YEATS2: variants seen among roughly 807,000 people sequenced by gnomAD.
The protein encoded by YEATS2 is YEATS domain containing 2.
In YEATS2, 77 loss-of-function variants were observed where a neutral mutation model predicts 163.2. The ratio of observed to expected loss-of-function variants is 0.47; its 90% CI spans 0.39 to 0.57. The LOEUF (loss-of-function observed/expected upper bound fraction) is 0.57, where lower values mean the gene tolerates loss of function less well. Ranked by LOEUF, YEATS2 falls within the 20% of genes least tolerant of loss-of-function variation. The pLI is 0.00. For synonymous variants in YEATS2, 631 were observed against 645.1 expected (o/e 0.98, Z 0.33); for missense variants, 1,549 against 1,729.8 (o/e 0.90, Z 1.85).
chr3:183,760,313 A>AGTTTTTTTTTTTTTTTTTTTT lies in YEATS2; in HGVS notation c.1657-1194_1657-1193insGTTTTTTTTTTTTTTTTTTTT, dbSNP rs1283432086. Among the ~76,000 whole-genome samples the AGTTTTTTTTTTTTTTTTTTTT allele has an allele frequency of 5.4e-5, 6 of 110,314 alleles. 2 individuals carry two copies. Among genetic ancestry groups the AGTTTTTTTTTTTTTTTTTTTT allele is most frequent in the Non-Finnish European group, 7.0e-5 (4 of 56,962 alleles). The allele number at this position is 110,314 out of a possible 152,430, so 72.4% of individuals were successfully genotyped here. ...TTGAGAATTAAAGAGAAACTACAGA[A>AGTTTTTTTTTTTTTTTTTTTT]TTTTTTTTTTTTTTTTTTTTTTTTT... On this transcript the variant is annotated intron_variant, in intron 13 of 30. Transcript: ENST00000305135.
intron 11 of YEATS2, 127 bp downstream of exon 11, chr3:183,754,492 G>A: frequency 7.6e-7 from 1 of 1,309,906 alleles, no homozygotes; most frequent in Non-Finnish European, 1.0e-6. Context: ...TTTAACAAAA[G>A]GAAGTTTATC....
At chr3:183,723,913 A>G (rs1278040240) in intron 5 of YEATS2, among the ~76,000 whole-genome samples, 2 of 152,200 alleles carry the variant, frequency 1.3e-5, no homozygotes, top group Non-Finnish European at 2.9e-5. Flanking sequence ...TTCTGTCTCA[A>G]AAAATAGAAT....
At chr3:183,777,979 G>A (rs948853555) in intron 19 of YEATS2, among the ~76,000 whole-genome samples, 4 of 151,852 alleles carry the variant, frequency 2.6e-5, no homozygotes, top group African/African-American at 7.3e-5. Context: ...AGGTGCAGTG[G>A]TGCGTGCCTA....
intron 30 of YEATS2, chr3:183,810,182 G>T: frequency 3.2e-6 from 1 of 317,438 alleles, no homozygotes; most frequent in East Asian, 7.8e-5. Context: ...GGTCTGCTGA[G>T]ACTCACTCAC....
intron 3 of YEATS2, among the ~76,000 whole-genome samples, 161 bp from the exon 4 acceptor site, chr3:183,718,339 C>A (rs1446323909): frequency 6.6e-6 from 1 of 151,978 alleles, no homozygotes; most frequent in Non-Finnish European, 1.5e-5. Context: ...CTTTGCGAAT[C>A]TGATGGGTGG....
chr3:183,745,900 C>T (rs916468857), intron 8 of YEATS2, among the ~76,000 whole-genome samples: 2 of 152,130 alleles, frequency 1.3e-5, no homozygotes, highest in Non-Finnish European at 2.9e-5. Flanking sequence ...GATGCAAACA[C>T]GGTTCACTGC....
intron 9 of YEATS2, among the ~76,000 whole-genome samples, chr3:183,750,693 C>T (rs759477575): frequency 1.3e-5 from 2 of 152,242 alleles, no homozygotes; most frequent in East Asian, 1.9e-4. Flanking sequence ...TGTTGAGGAT[C>T]CCTTCATGTG....
At chr3:183,713,741 G>A (rs960067455) in intron 1 of YEATS2, among the ~76,000 whole-genome samples, 1 of 151,958 alleles carries the variant, frequency 6.6e-6, no homozygotes, top group Non-Finnish European at 1.5e-5. Flanking sequence ...CAATAAACTC[G>A]TGCAGTGATG....
intron 8 of YEATS2, among the ~76,000 whole-genome samples, chr3:183,738,736 C>G (rs1489824521): frequency 3.1e-5 from 4 of 127,430 alleles, no homozygotes; most frequent in African/African-American, 1.2e-4. Flanking sequence ...ATGAACTCAT[C>G]ATTTTTTATG....
chr3:183,724,358 G>T, intron 5 of YEATS2, 61 bp from the exon 6 acceptor site: 2 of 1,259,446 alleles, frequency 1.6e-6, no homozygotes, highest in Non-Finnish European at 2.2e-6. Context: ...CAATTTTGTG[G>T]TTTCTGTCCT....
At chr3:183,772,779 C>A (rs2582084) in intron 16 of YEATS2, among the ~76,000 whole-genome samples, 3,425 of 147,336 alleles carry the variant, frequency 0.023, 56 homozygotes, top group Admixed American at 0.035. Context: ...ACACACACAC[C>A]CACATACACA....
chr3:183,700,596 TTC>T (rs1366770379), intron 1 of YEATS2, among the ~76,000 whole-genome samples: 7 of 145,804 alleles, frequency 4.8e-5, no homozygotes, highest in African/African-American at 1.9e-4. Flanking sequence ...TTTCTTTTCT[TTC>T]TTTTTTTTTT....
At chr3:183,698,411 G>A (rs1164985077) in intron 1 of YEATS2, among the ~76,000 whole-genome samples, 1 of 152,178 alleles carries the variant, frequency 6.6e-6, no homozygotes, top group African/African-American at 2.4e-5. Context: ...GGCCTCCCTG[G>A]GATGGAGGGG....
At chr3:183,721,334 A>G (rs940380915) in intron 4 of YEATS2, among the ~76,000 whole-genome samples, 4 of 152,206 alleles carry the variant, frequency 2.6e-5, no homozygotes, top group Non-Finnish European at 5.9e-5. Context: ...ACATAACTAC[A>G]GTGTTATCAC....
At chr3:183,710,809 A>C (rs1246423167) in intron 1 of YEATS2, among the ~76,000 whole-genome samples, 1 of 152,170 alleles carries the variant, frequency 6.6e-6, no homozygotes, top group Admixed American at 6.6e-5. Flanking sequence ...GGAAGGTAGG[A>C]TAAGAATATA....
At chr3:183,767,996 A>T (rs956697387) in intron 15 of YEATS2, among the ~76,000 whole-genome samples, 1 of 152,230 alleles carries the variant, frequency 6.6e-6, no homozygotes. Context: ...TTGTTTAGGA[A>T]CATAAAAGTA....
chr3:183,729,142 G>T (rs191672816), intron 7 of YEATS2, among the ~76,000 whole-genome samples: 249 of 152,218 alleles, frequency 1.6e-3, no homozygotes, highest in Non-Finnish European at 1.7e-3. Flanking sequence ...CGTGGTGGCG[G>T]GCGCCTGTAG....
intron 1 of YEATS2, among the ~76,000 whole-genome samples, chr3:183,698,280 C>G (rs1249915997): frequency 6.6e-6 from 1 of 152,172 alleles, no homozygotes; most frequent in Non-Finnish European, 1.5e-5. Context: ...CCACAGCGGC[C>G]GGAGCTTTTA....
Position 183,786,257 on chromosome 3 carries a change from A to C in YEATS2, c.2869A>C (p.Thr957Pro). The change falls in exon 20 of 31, where the codon ACT becomes CCT. Residue 957 changes from threonine to proline, a missense_variant. Transcript: ENST00000305135. ...RVAGGVITTATSPAVALSANG... is the reference protein window; with the variant it reads ...RVAGGVITTAPSPAVALSANG... ...AGCAGGAGGGGTTATCACAACTGCCACTTCCCCTGCCGTGGCCCTCTCAGC... is the reference window on the plus strand; with the variant it reads ...AGCAGGAGGGGTTATCACAACTGCCCCTTCCCCTGCCGTGGCCCTCTCAGC... 6.2e-7 allele frequency: 1 copy of C among 1,614,106 alleles called. No individual in the cohort carries two copies. Among genetic ancestry groups the C allele is most frequent in the Non-Finnish European group, 8.5e-7 (1 of 1,179,976 alleles).
Sources: gnomAD v4.1 joint callset for allele counts (sites outside exome capture counted in the v4.1 genomes callset) on GRCh38, gnomAD v4.1.1 for gene constraint, MANE v1.5 for transcripts, NCBI Gene and HGNC (gene_info 2026-07-23, HGNC 2026-07-21) for gene names.